PLEKHM3: variants seen among roughly 807,000 people sequenced by gnomAD.
PLEKHM3 encodes the protein pleckstrin homology domain containing M3.
A neutral mutation model predicts 81.8 loss-of-function variants in PLEKHM3; 45 were observed. The observed-to-expected ratio is 0.55, with a 90% CI of 0.43 to 0.71. The LOEUF is 0.71. Among genes scored for constraint, PLEKHM3 ranks in the 30% least tolerant of loss-of-function variants. The pLI is 0.00. For synonymous variants in PLEKHM3, 352 were observed against 356.4 expected (o/e 0.99, Z 0.14); for missense variants, 788 against 924.3 (o/e 0.85, Z 1.91).
intron 1 of PLEKHM3, among the ~76,000 whole-genome samples, chr2:208,011,941 T>A (rs978978493): frequency 6.6e-6 from 1 of 151,870 alleles, no homozygotes; most frequent in Non-Finnish European, 1.5e-5. Flanking sequence ...GGATTACAGG[T>A]GTCCGCCACC....
intron 7 of PLEKHM3, among the ~76,000 whole-genome samples, chr2:207,848,547 C>T (rs6435395): frequency 0.55 from 84,081 of 152,070 alleles, 23,676 homozygotes; most frequent in Middle Eastern, 0.63. Context: ...CATCTCAGCA[C>T]CATCTATGGG....
chr2:207,969,571 C>T (rs1311180383), intron 3 of PLEKHM3, among the ~76,000 whole-genome samples: 1 of 152,170 alleles, frequency 6.6e-6, no homozygotes, highest in Non-Finnish European at 1.5e-5. Context: ...ATATATTTTG[C>T]TTTCATAGGA....
chr2:207,994,723 C>G (rs1692012697), intron 2 of PLEKHM3, among the ~76,000 whole-genome samples: 1 of 152,126 alleles, frequency 6.6e-6, no homozygotes, highest in African/African-American at 2.4e-5. Flanking sequence ...TGTCACTTTG[C>G]CTTAGATCTA....
intron 7 of PLEKHM3, chr2:207,852,709 C>A (rs2092418848): frequency 5.0e-5 from 20 of 403,534 alleles, no homozygotes; most frequent in South Asian, 3.4e-4. Flanking sequence ...GGGAGGGAGG[C>A]AGGGAAAGGC....
At chr2:207,987,274 C>T (rs377620446) in intron 2 of PLEKHM3, among the ~76,000 whole-genome samples, 6 of 152,234 alleles carry the variant, frequency 3.9e-5, no homozygotes, top group African/African-American at 1.2e-4. Flanking sequence ...ACCAGCCCTA[C>T]TCCCTCCTCT....
chr2:207,862,216 C>G (rs1446159637), intron 6 of PLEKHM3, among the ~76,000 whole-genome samples: 2 of 152,180 alleles, frequency 1.3e-5, no homozygotes, highest in Non-Finnish European at 2.9e-5. Context: ...AATGCAGACA[C>G]AAATACATGC....
At chr2:207,888,992 A>C (rs1036816298) in intron 6 of PLEKHM3, among the ~76,000 whole-genome samples, 13 of 152,226 alleles carry the variant, frequency 8.5e-5, no homozygotes, top group African/African-American at 1.4e-4. Context: ...TCCAGTTTTT[A>C]GTGAGTTCCA....
intron 3 of PLEKHM3, among the ~76,000 whole-genome samples, chr2:207,964,962 G>A (rs1690863371): frequency 6.6e-6 from 1 of 152,108 alleles, no homozygotes; most frequent in Non-Finnish European, 1.5e-5. Context: ...CAAGAAATAA[G>A]TTGGTACTGC....
At chr2:207,877,632 TGTTG>T (rs1200347133) in intron 6 of PLEKHM3, among the ~76,000 whole-genome samples, 2 of 152,238 alleles carry the variant, frequency 1.3e-5, no homozygotes, top group African/African-American at 4.8e-5. Context: ...GAAGAGGTTT[TGTTG>T]GTTATCTCTT....
rs900466467 is a variant in PLEKHM3 at position 207,964,211 on chromosome 2, C to CA, written c.1546+12439dup. Among the ~76,000 whole-genome samples the CA allele has an allele frequency of 3.3e-3, 441 of 135,132 alleles. 1 individual carries two copies. The highest frequency in any genetic ancestry group is 7.9e-3 in the African/African-American group (294 of 37,044). 88.7% of individuals were successfully genotyped at this position (135,132 alleles called of 152,430 possible). ...TGGGTGACAGAGTGAGACTCCGTCT[C>CA]AAAAAAAAAAAAAGAACCTCCTATG... is the stretch of plus-strand genomic sequence containing the variant. On this transcript the variant is annotated intron_variant, in intron 3 of 7. Transcript: ENST00000427836.
chr2:207,938,576 C>A (rs1689837583), intron 4 of PLEKHM3, among the ~76,000 whole-genome samples: 1 of 152,142 alleles, frequency 6.6e-6, no homozygotes, highest in Non-Finnish European at 1.5e-5. Flanking sequence ...TAAGTTAAAT[C>A]CTGATATCTG....
intron 6 of PLEKHM3, among the ~76,000 whole-genome samples, chr2:207,863,226 A>T (rs1383692006): frequency 6.6e-6 from 1 of 152,222 alleles, no homozygotes; most frequent in African/African-American, 2.4e-5. Flanking sequence ...TTATGAGTGG[A>T]AAATGAACCT....
At chr2:207,983,051 ATTTT>A (rs3057253) in intron 2 of PLEKHM3, among the ~76,000 whole-genome samples, 2 of 130,092 alleles carry the variant, frequency 1.5e-5, no homozygotes, top group Non-Finnish European at 1.6e-5. Flanking sequence ...TTAAACATGG[ATTTT>A]TTTTTTTTTT....
chr2:207,833,088 G>T (rs2092297496), intron 7 of PLEKHM3, among the ~76,000 whole-genome samples: 1 of 148,946 alleles, frequency 6.7e-6, no homozygotes, highest in African/African-American at 2.5e-5. Context: ...CTCCAGCCTG[G>T]GTGACAGAGC....
chr2:207,997,136 A>C (rs1285313330), intron 2 of PLEKHM3, among the ~76,000 whole-genome samples: 2 of 152,206 alleles, frequency 1.3e-5, no homozygotes, highest in African/African-American at 4.8e-5. Context: ...GTTTCTAACA[A>C]ATATGCTACT....
intron 4 of PLEKHM3, among the ~76,000 whole-genome samples, chr2:207,942,657 T>C (rs927083714): frequency 6.6e-6 from 1 of 151,062 alleles, no homozygotes; most frequent in Non-Finnish European, 1.5e-5. Flanking sequence ...TGCCAGCACT[T>C]TGGGAGGCCG....
At chr2:207,916,461 C>T (rs1008038135) in intron 5 of PLEKHM3, among the ~76,000 whole-genome samples, 13 of 152,076 alleles carry the variant, frequency 8.5e-5, no homozygotes, top group Non-Finnish European at 8.8e-5. Flanking sequence ...TTTTAGAGGC[C>T]GGGCACGGTG....
chr2:207,995,495 T>C (rs2106078482), intron 2 of PLEKHM3, among the ~76,000 whole-genome samples: 1 of 152,264 alleles, frequency 6.6e-6, no homozygotes, highest in Non-Finnish European at 1.5e-5. Context: ...CAGCCCCAGC[T>C]TAGTGGTTAA....
chr2:207,976,869 C>G lies in PLEKHM3; in HGVS notation c.1328G>C (p.Arg443Thr), dbSNP rs1559265738. 1.2e-6 allele frequency: 2 copies of G among 1,614,216 alleles called. No individual in the cohort carries two copies. Among genetic ancestry groups the G allele is most frequent in the Non-Finnish European group, 1.7e-6 (2 of 1,180,052 alleles). ...CAGAGCCTCCATCCATTCCTGAGCC[C>G]TCTGTCGGGTCTCAGCTCGGAGGCG... ...VLRLRAETRQRAQEWMEALKI... is the reference protein window; with the variant it reads ...VLRLRAETRQTAQEWMEALKI... The change falls in exon 3 of 8, where the codon AGG becomes ACG. Residue 443 changes from arginine to threonine, a missense_variant. Coordinates refer to ENST00000427836, the MANE Select transcript of PLEKHM3 (RefSeq NM_001080475.3). The surrounding 1 kb of genome is among the most constrained non-coding windows in gnomAD (Gnocchi z 4.1).
Sources: allele counts gnomAD v4.1 joint callset (sites outside exome capture counted in the v4.1 genomes callset), GRCh38; gene constraint gnomAD v4.1.1; non-coding constraint Gnocchi (gnomAD v3.1); transcripts MANE v1.5; gene names NCBI Gene and HGNC (gene_info 2026-07-23, HGNC 2026-07-21).